The following RUNDC3B variants were observed in gnomAD, a reference collection of about 807,000 sequenced individuals.
RUNDC3B encodes RUN domain containing 3B.
Under a neutral mutation model 58.4 loss-of-function variants are expected in RUNDC3B, and 33 were observed. That is an observed-to-expected ratio of 0.56 (90% confidence interval 0.43 to 0.75). The LOEUF is 0.75. RUNDC3B is among the 30% of genes least tolerant of loss of function. The pLI is 0.00. For synonymous variants in RUNDC3B, 193 were observed against 195.2 expected, an observed-to-expected ratio of 0.99 and a Z score of 0.10; for missense variants, 501 against 535.7, an observed-to-expected ratio of 0.94 and a Z score of 0.64.
chr7:87,671,479 A>T (rs916317207), intron 2 of RUNDC3B, among the ~76,000 whole-genome samples: 6 of 152,124 alleles, frequency 3.9e-5, no homozygotes, highest in African/African-American at 1.4e-4. Flanking sequence ...CCAATTTTCC[A>T]TAGGGCTGCT....
chr7:87,813,660 T>C lies in RUNDC3B; in HGVS notation c.1104-2481T>C, dbSNP rs17149925. Among the ~76,000 whole-genome samples the C allele has an allele frequency of 2.8e-3, 427 of 152,268 alleles. 5 individuals carry two copies. The East Asian group carries it at 0.049, about 17-fold the overall frequency. On this transcript the variant is annotated intron_variant, in intron 9 of 10. Coordinates refer to ENST00000394654, the MANE Select transcript of RUNDC3B (RefSeq NM_001134405.2). ...TATAACTACTTTTTAAATTCCTATG[T>C]TCTTGCTTTCCTTTCTAGCTAAAAG...
In RUNDC3B at chr7:87,830,105, T is replaced by C; in HGVS notation, c.*75T>C. On this transcript the variant is annotated 3_prime_UTR_variant, in exon 11 of 11. Transcript: ENST00000394654. Reference sequence around the variant, plus strand: ...ACATGTTTGACTGCTGGGAAGACCTTTGAAATTTTATATTGTTCTGGTACA... The same window carrying C: ...ACATGTTTGACTGCTGGGAAGACCTCTGAAATTTTATATTGTTCTGGTACA... 1 of 923,368 alleles carries C rather than the reference T, an allele frequency of 1.1e-6. No homozygotes were observed. The highest frequency in any genetic ancestry group is 1.6e-6 in the Non-Finnish European group (1 of 632,406). The allele number at this position is 923,368 out of a possible 1,614,324, so 57.2% of individuals were successfully genotyped here. A position where few individuals can be genotyped will look rare whatever the true frequency, so the allele number is the denominator to read the frequency against.
At chr7:87,816,893 C>T (rs1166697957) in intron 10 of RUNDC3B, among the ~76,000 whole-genome samples, 5 of 152,148 alleles carry the variant, frequency 3.3e-5, no homozygotes, top group Non-Finnish European at 7.4e-5. Flanking sequence ...AACCAGTCAT[C>T]TATTTGGTTC....
At chr7:87,767,826 A>G (rs1253690991) in intron 6 of RUNDC3B, among the ~76,000 whole-genome samples, 1 of 152,176 alleles carries the variant, frequency 6.6e-6, no homozygotes, top group African/African-American at 2.4e-5. Flanking sequence ...GAATGCAATC[A>G]GCTTCCCTGT....
At chr7:87,805,297 G>A (rs1836379203) in intron 8 of RUNDC3B, among the ~76,000 whole-genome samples, 1 of 152,164 alleles carries the variant, frequency 6.6e-6, no homozygotes, top group Non-Finnish European at 1.5e-5. Flanking sequence ...GTGTACTTGA[G>A]TGATGAAAGA....
At chr7:87,807,772 G>A (rs538389794) in intron 9 of RUNDC3B, among the ~76,000 whole-genome samples, 82 of 152,116 alleles carry the variant, frequency 5.4e-4, no homozygotes, top group Non-Finnish European at 9.3e-4. Flanking sequence ...TGTTTAATGA[G>A]CCATCTATTT....
chr7:87,772,348 A>T (rs1183904092), intron 7 of RUNDC3B, among the ~76,000 whole-genome samples: 1 of 152,152 alleles, frequency 6.6e-6, no homozygotes, highest in Non-Finnish European at 1.5e-5. Context: ...GAACTAAAAC[A>T]CTGACTAAAA....
At chr7:87,775,068 A>T (rs1240727908) in intron 7 of RUNDC3B, among the ~76,000 whole-genome samples, 1 of 152,234 alleles carries the variant, frequency 6.6e-6, no homozygotes, top group Non-Finnish European at 1.5e-5. Context: ...CTTCTACTTA[A>T]AAAACAAAAA....
intron 8 of RUNDC3B, among the ~76,000 whole-genome samples, chr7:87,799,107 C>T (rs1224309488): frequency 1.3e-5 from 2 of 152,282 alleles, no homozygotes; most frequent in Admixed American, 1.3e-4. Flanking sequence ...TCTCATTACT[C>T]CTCTTGGTAT....
At chr7:87,652,434 CA>C (rs1823667278) in intron 2 of RUNDC3B, among the ~76,000 whole-genome samples, 1 of 151,888 alleles carries the variant, frequency 6.6e-6, no homozygotes, top group Non-Finnish European at 1.5e-5. Context: ...TCTAAACAAT[CA>C]AATCCATTAA....
chr7:87,667,673 C>A (rs1336011455), intron 2 of RUNDC3B, among the ~76,000 whole-genome samples: 1 of 151,954 alleles, frequency 6.6e-6, no homozygotes, highest in African/African-American at 2.4e-5. Context: ...ATACCTAGTT[C>A]ACTGAGAGTT....
At chr7:87,740,349 T>C (rs1236610284) in intron 5 of RUNDC3B, among the ~76,000 whole-genome samples, 1 of 152,042 alleles carries the variant, frequency 6.6e-6, no homozygotes, top group Non-Finnish European at 1.5e-5. Flanking sequence ...AAAAAAAAAT[T>C]GTTAAAATTT....
chr7:87,816,777 G>C (rs1837066807), intron 10 of RUNDC3B, among the ~76,000 whole-genome samples: 1 of 151,986 alleles, frequency 6.6e-6, no homozygotes, highest in Non-Finnish European at 1.5e-5. Context: ...TCTTCCCATT[G>C]GGTTGCATCT....
At chr7:87,735,760 T>G (rs1376966213) in intron 4 of RUNDC3B, among the ~76,000 whole-genome samples, 2 of 152,168 alleles carry the variant, frequency 1.3e-5, no homozygotes, top group African/African-American at 2.4e-5. Flanking sequence ...CTTTCCAAAG[T>G]TGGGCTTTCC....
intron 2 of RUNDC3B, among the ~76,000 whole-genome samples, chr7:87,651,998 A>T (rs1266887172): frequency 6.6e-6 from 1 of 152,088 alleles, no homozygotes; most frequent in African/African-American, 2.4e-5. Flanking sequence ...TCTGCCATTA[A>T]TGTTACCTTT....
chr7:87,748,710 A>G (rs1344478000), intron 6 of RUNDC3B, among the ~76,000 whole-genome samples: 1 of 152,146 alleles, frequency 6.6e-6, no homozygotes, highest in South Asian at 2.1e-4. Flanking sequence ...AACTTTATGA[A>G]TTTCTAAAAA....
At chr7:87,775,243 G>A (rs1010827392) in intron 7 of RUNDC3B, among the ~76,000 whole-genome samples, 2 of 152,100 alleles carry the variant, frequency 1.3e-5, no homozygotes, top group Non-Finnish European at 1.5e-5. Flanking sequence ...CTGACCCTGT[G>A]TTGTAGGCCT....
In RUNDC3B at chr7:87,784,614, G is replaced by C. The variant is rs541634986; in HGVS notation, c.956+6659G>C. 7.9e-5 allele frequency among the ~76,000 whole-genome samples: 12 copies of C among 152,146 alleles called. No individual in the cohort carries two copies. In the South Asian group the frequency reaches 2.3e-3, roughly 29 times the overall value. ...GTGATGCAGTAGATGGCATTTAAGAGTAAGGGCTGGCAGATATGCTTACTC... is the reference window on the plus strand; with the variant it reads ...GTGATGCAGTAGATGGCATTTAAGACTAAGGGCTGGCAGATATGCTTACTC... On this transcript the variant is annotated intron_variant, in intron 8 of 10. Transcript: ENST00000394654.
chr7:87,700,426 G>C lies in RUNDC3B; in HGVS notation c.244G>C (p.Val82Leu). ...TCGCAATTTGTCTCCTGAAGGTCAA[G>C]TAACCTGGTTTGGTTATGAAAGTCC... ...QILSHRLKGQ[V>L]TWFGYESPRS... The change falls in exon 3 of 11, where the codon GTA becomes CTA. Residue 82 changes from valine to leucine, a missense_variant. Val to Leu is a conservative substitution (Grantham distance 32). Coordinates refer to ENST00000394654, the MANE Select transcript of RUNDC3B (RefSeq NM_001134405.2). 1 of 1,601,110 alleles carries C rather than the reference G, an allele frequency of 6.2e-7. No individual in the cohort carries two copies. The highest frequency in any genetic ancestry group is 8.5e-7 in the Non-Finnish European group (1 of 1,176,118).
Sources: allele counts gnomAD v4.1 joint callset (sites outside exome capture counted in the v4.1 genomes callset), GRCh38; gene constraint gnomAD v4.1.1; transcripts MANE v1.5; gene names NCBI Gene and HGNC (gene_info 2026-07-23, HGNC 2026-07-21).